Variants in ERLEC1 observed in about 807,000 individuals in gnomAD.
ERLEC1 encodes ER lectin.
In ERLEC1, 47 loss-of-function variants were observed where a neutral mutation model predicts 68.0. The ratio of observed to expected loss-of-function variants is 0.69; its 90% CI spans 0.55 to 0.88. The LOEUF is 0.88. Ranked by LOEUF, ERLEC1 falls within the 40% of genes least tolerant of loss-of-function variation. The pLI is 0.00. For synonymous variants in ERLEC1, 225 were observed against 203.2 expected (o/e 1.11, Z -0.91); for missense variants, 567 against 583.8 (o/e 0.97, Z 0.30).
intron 1 of ERLEC1, among the ~76,000 whole-genome samples, chr2:53,793,508 A>G (rs951646093): frequency 1.4e-4 from 22 of 152,232 alleles, no homozygotes; most frequent in African/African-American, 5.1e-4. Flanking sequence ...CATATGGCTC[A>G]CAAAGCCTAA....
chr2:53,818,051 C>G lies in ERLEC1; in HGVS notation c.*82C>G. 1 of 903,634 alleles carries G rather than the reference C, an allele frequency of 1.1e-6. No homozygotes were observed. Among genetic ancestry groups the G allele is most frequent in the Non-Finnish European group, 1.8e-6 (1 of 544,672 alleles). 56.0% of individuals were successfully genotyped at this position (903,634 alleles called of 1,614,324 possible). A position where few individuals can be genotyped will look rare whatever the true frequency, so the allele number is the denominator to read the frequency against. The stretch of plus-strand genomic sequence containing the variant: ...CCACTGTGTCTCATTATAGAGTTCT[C>G]AGCCATTGGACCTCTTCTAAAGGAT... On this transcript the variant is annotated 3_prime_UTR_variant, in exon 14 of 14. Coordinates refer to ENST00000185150, the MANE Select transcript of ERLEC1 (RefSeq NM_015701.5).
intron 8 of ERLEC1, among the ~76,000 whole-genome samples, chr2:53,802,419 A>C (rs1231377405): frequency 1.3e-5 from 2 of 152,116 alleles, no homozygotes; most frequent in Non-Finnish European, 2.9e-5. Flanking sequence ...CTCTAACTCT[A>C]ATCATCCACT....
chr2:53,816,515 C>T lies in ERLEC1; in HGVS notation c.1381-1383C>T, dbSNP rs558184104. On this transcript the variant is annotated intron_variant, in intron 13 of 13. Transcript: ENST00000185150. ...AACTCCTGACCTCAAGTAATCTGCCCGCCTCGGCCTCCCAAATTGCTGGGA... is the reference window on the plus strand; with the variant it reads ...AACTCCTGACCTCAAGTAATCTGCCTGCCTCGGCCTCCCAAATTGCTGGGA... Among the ~76,000 whole-genome samples the T allele has an allele frequency of 4.4e-4, 67 of 152,102 alleles. No individual in the cohort carries two copies. In the South Asian group the frequency reaches 0.014, roughly 31 times the overall value.
chr2:53,814,727 C>A, intron 12 of ERLEC1, 107 bp downstream of exon 12: 2 of 1,002,040 alleles, frequency 2.0e-6, no homozygotes, highest in Non-Finnish European at 3.0e-6. Flanking sequence ...TGAAAGTATA[C>A]CATTTAAATT....
At chr2:53,790,026 A>G (rs528899887) in intron 1 of ERLEC1, among the ~76,000 whole-genome samples, 2 of 151,518 alleles carry the variant, frequency 1.3e-5, no homozygotes, top group South Asian at 2.1e-4. Context: ...AAAAAAAAAA[A>G]AAAAAGAAAA....
intron 8 of ERLEC1, 136 bp from the exon 9 acceptor site, chr2:53,808,163 C>T: frequency 2.3e-6 from 2 of 869,078 alleles, no homozygotes; most frequent in Non-Finnish European, 3.4e-6. Flanking sequence ...AGTCCATTAT[C>T]TTAAAGTGTA....
At chr2:53,812,168 G>C (rs1032723421) in intron 10 of ERLEC1, among the ~76,000 whole-genome samples, 12 of 152,094 alleles carry the variant, frequency 7.9e-5, no homozygotes, top group Non-Finnish European at 1.6e-4. Flanking sequence ...GCCCACCTCA[G>C]CCTCCCAAAA....
chr2:53,811,187 A>G (rs1676574907), intron 10 of ERLEC1, among the ~76,000 whole-genome samples: 1 of 152,240 alleles, frequency 6.6e-6, no homozygotes, highest in Non-Finnish European at 1.5e-5. Flanking sequence ...CAGCAGATAC[A>G]GAGGATTATG....
At chr2:53,805,465 G>C (rs1406477102) in intron 8 of ERLEC1, among the ~76,000 whole-genome samples, 1 of 151,974 alleles carries the variant, frequency 6.6e-6, no homozygotes, top group Non-Finnish European at 1.5e-5. Context: ...CATTCCTCCT[G>C]CCTTGGCCTC....
intron 2 of ERLEC1, among the ~76,000 whole-genome samples, chr2:53,794,902 C>T (rs1416540632): frequency 6.6e-6 from 1 of 152,104 alleles, no homozygotes; most frequent in Non-Finnish European, 1.5e-5. Context: ...ATCTGCCCAC[C>T]TCGGCCTCCC....
At chr2:53,797,097 G>A (rs1252426737) in intron 3 of ERLEC1, among the ~76,000 whole-genome samples, 1 of 152,088 alleles carries the variant, frequency 6.6e-6, no homozygotes, top group Non-Finnish European at 1.5e-5. Flanking sequence ...GTTTTGCCAT[G>A]TTGGCCAAGC....
At chr2:53,805,256 CAG>C (rs1282623417) in intron 8 of ERLEC1, among the ~76,000 whole-genome samples, 2 of 152,092 alleles carry the variant, frequency 1.3e-5, no homozygotes, top group East Asian at 3.9e-4. Flanking sequence ...CTCCTGACCT[CAG>C]ATGATCCACC....
At chr2:53,794,867 A>C (rs1257260310) in intron 2 of ERLEC1, among the ~76,000 whole-genome samples, 2 of 151,976 alleles carry the variant, frequency 1.3e-5, no homozygotes, top group Admixed American at 6.6e-5. Flanking sequence ...GTTGGCCAGG[A>C]TGGTCTCGAT....
chr2:53,805,720 C>T (rs1315902074), intron 8 of ERLEC1, among the ~76,000 whole-genome samples: 2 of 152,152 alleles, frequency 1.3e-5, no homozygotes, highest in Non-Finnish European at 2.9e-5. Context: ...TGAGAAAGCT[C>T]CAGACTGTTC....
chr2:53,810,034 GAGCGAGACTCTGTCTCAAAAA>G (rs1676506212), intron 10 of ERLEC1, among the ~76,000 whole-genome samples: 1 of 152,176 alleles, frequency 6.6e-6, no homozygotes, highest in Admixed American at 6.5e-5. Flanking sequence ...TTGAGCAACA[GAGCGAGACTCTGTCTCAAAAA>G]AGCGAGACTC....
Position 53,787,298 on chromosome 2 carries a change from G to C in ERLEC1, c.88G>C (p.Gly30Arg), listed in dbSNP as rs994637643. Residue 30 changes from glycine to arginine, a missense_variant, in exon 1 of 14, where the codon GGC becomes CGC. By Grantham distance (125) the Gly-to-Arg change is moderately radical. Transcript: ENST00000185150. ...VLCGLLEASG[G>R]GRALPQLSDD... The stretch of plus-strand genomic sequence containing the variant: ...CTGCGGCCTCCTGGAGGCGTCCGGC[G>C]GCGGCCGAGCCCTTCCTCAACTCAG... The C allele has an allele frequency of 8.7e-6, 14 of 1,610,064 alleles. No individual in the cohort carries two copies. Among genetic ancestry groups the C allele is most frequent in the African/African-American group, 1.3e-5 (1 of 74,924 alleles).
At chr2:53,796,302 G>T (rs1675699105) in intron 3 of ERLEC1, among the ~76,000 whole-genome samples, 1 of 143,890 alleles carries the variant, frequency 6.9e-6, no homozygotes, top group South Asian at 2.3e-4. Context: ...TTACCTTCAA[G>T]AAGGCCCTAA....
chr2:53,815,019 T>A lies in ERLEC1; in HGVS notation c.1380+84T>A, dbSNP rs1676802120. On this transcript the variant is annotated intron_variant, in intron 13 of 13. Transcript: ENST00000185150. ...TCTTTTTTTTTTTTTTTTTTTTTGT[T>A]TTTTTGAGACGGAGTCTTGCTCTGT... is the stretch of plus-strand genomic sequence containing the variant. 5.8e-6 allele frequency: 5 copies of A among 866,746 alleles called. No individual in the cohort carries two copies. In the East Asian group the frequency reaches 1.2e-4, roughly 20 times the overall value. The allele number at this position is 866,746 out of a possible 1,614,324, so 53.7% of individuals were successfully genotyped here. A position where few individuals can be genotyped will look rare whatever the true frequency, so the allele number is the denominator to read the frequency against.
Position 53,817,969 on chromosome 2 carries a change from A to G in ERLEC1, c.1452A>G (p.Ter484=). 1 of 1,512,530 alleles carries G rather than the reference A, an allele frequency of 6.6e-7. No individual in the cohort carries two copies. Among genetic ancestry groups the G allele is most frequent in the Non-Finnish European group, 9.2e-7 (1 of 1,087,826 alleles). 93.7% of individuals were successfully genotyped at this position (1,512,530 alleles called of 1,614,324 possible). Residue 484 remains the stop codon, a stop_retained_variant, in exon 14 of 14, where the codon TAA becomes TAG. Transcript: ENST00000185150. The stretch of plus-strand genomic sequence containing the variant: ...ATGGACTTCTTTCTCTCCCCAACTA[A>G]AGGATATTAAAGTTAGGGGAAAGAA... ...DENGLLSLPN[*] is the part of the protein sequence containing the mutation.
Sources: allele counts gnomAD v4.1 joint callset (sites outside exome capture counted in the v4.1 genomes callset), GRCh38; gene constraint gnomAD v4.1.1; transcripts MANE v1.5; gene names NCBI Gene and HGNC (gene_info 2026-07-23, HGNC 2026-07-21).